The following TTC33 variants were observed in gnomAD, a reference collection of about 807,000 sequenced individuals.
The protein encoded by TTC33 is tetratricopeptide repeat domain 33.
Under a neutral mutation model 29.4 loss-of-function variants are expected in TTC33, and 24 were observed. The ratio of observed to expected loss-of-function variants is 0.82; its 90% CI spans 0.59 to 1.15. TTC33 has a LOEUF of 1.15. TTC33 is among the 50% of genes most tolerant of loss of function. TTC33 has a pLI of 0.00. For synonymous variants in TTC33, 107 were observed against 100.3 expected (o/e 1.07, Z -0.40); for missense variants, 286 against 310.4 (o/e 0.92, Z 0.59).
Position 40,714,111 on chromosome 5 carries a change from G to A in TTC33, c.*2034C>T, listed in dbSNP as rs528584236. Among the ~76,000 whole-genome samples, 10 of 152,178 alleles carry A rather than the reference G, an allele frequency of 6.6e-5. No individual in the cohort carries two copies. Among genetic ancestry groups the A allele is most frequent in the Non-Finnish European group, 1.0e-4 (7 of 68,008 alleles). On this transcript the variant is annotated 3_prime_UTR_variant, in exon 5 of 5. Transcript: ENST00000337702. Reference sequence around the variant, plus strand: ...TAGGTTCTTATAACAGGGCCTAGTGGCCACATGCATTCCATCCTGAGTCTT... The same window carrying A: ...TAGGTTCTTATAACAGGGCCTAGTGACCACATGCATTCCATCCTGAGTCTT...
At chr5:40,745,786 G>A (rs1196125830) in intron 2 of TTC33, among the ~76,000 whole-genome samples, 1 of 151,182 alleles carries the variant, frequency 6.6e-6, no homozygotes, top group Non-Finnish European at 1.5e-5. Context: ...CCAGGGTGGA[G>A]GGCAGTGGCA....
rs1249112154 is a variant in TTC33, at chr5:40,726,143, T to TTA, written c.435+2200_435+2201dup. Among the ~76,000 whole-genome samples the TTA allele has an allele frequency of 2.8e-3, 218 of 78,854 alleles. 1 individual carries two copies. The highest frequency in any genetic ancestry group is 6.0e-3 in the Middle Eastern group (1 of 166). The allele number at this position is 78,854 out of a possible 152,430, so 51.7% of individuals were successfully genotyped here. A position where few individuals can be genotyped will look rare whatever the true frequency, so the allele number is the denominator to read the frequency against. ...TAAAATCTCATTCTCATAAAGTCTTTTATATATATATATATATACACACAC... is the reference window on the plus strand; with the variant it reads ...TAAAATCTCATTCTCATAAAGTCTTTTATATATATATATATATATACACACAC... On this transcript the variant is annotated intron_variant, in intron 4 of 4. Transcript: ENST00000337702.
chr5:40,717,229 C>CAG (rs1554026224), intron 4 of TTC33, among the ~76,000 whole-genome samples: 1 of 108,902 alleles, frequency 9.2e-6, no homozygotes, highest in African/African-American at 3.5e-5. Context: ...AACTCCATCT[C>CAG]AAAAAAAAAA....
chr5:40,742,783 G>T (rs185077509), intron 2 of TTC33, among the ~76,000 whole-genome samples: 1 of 152,062 alleles, frequency 6.6e-6, no homozygotes, highest in Admixed American at 6.5e-5. Flanking sequence ...ATTCCCAAAG[G>T]TCCTTTGTGG....
rs192982768 is a variant in TTC33, at chr5:40,729,919, G to A, written c.303+343C>T. ...TCACCATGTTGGTCAGGGTGGTCTCGAACTTCTGACCTCAAGTGATCCACC... is the reference window on the plus strand; with the variant it reads ...TCACCATGTTGGTCAGGGTGGTCTCAAACTTCTGACCTCAAGTGATCCACC... On this transcript the variant is annotated intron_variant, in intron 3 of 4. Coordinates refer to ENST00000337702, the MANE Select transcript of TTC33 (RefSeq NM_012382.3). 4.6e-5 allele frequency among the ~76,000 whole-genome samples: 7 copies of A among 152,170 alleles called. No homozygotes were observed. The East Asian group carries it at 1.2e-3, about 25-fold the overall frequency.
chr5:40,738,722 CT>C (rs1450602137), intron 2 of TTC33, among the ~76,000 whole-genome samples: 2 of 152,044 alleles, frequency 1.3e-5, no homozygotes, highest in African/African-American at 4.8e-5. Flanking sequence ...TACTGTCAAT[CT>C]TTTCAATGTT....
chr5:40,754,981 T>C (rs776241853), intron 1 of TTC33, among the ~76,000 whole-genome samples: 1 of 152,134 alleles, frequency 6.6e-6, no homozygotes. Flanking sequence ...AGACTTAACA[T>C]TTTTTTACCA....
intron 3 of TTC33, among the ~76,000 whole-genome samples, chr5:40,728,886 T>G (rs1742357867): frequency 6.6e-6 from 1 of 152,190 alleles, no homozygotes; most frequent in African/African-American, 2.4e-5. Flanking sequence ...ATGAACATCT[T>G]TATGTTATAA....
At chr5:40,717,330 A>G (rs756743543) in intron 4 of TTC33, among the ~76,000 whole-genome samples, 2 of 152,196 alleles carry the variant, frequency 1.3e-5, no homozygotes, top group Non-Finnish European at 2.9e-5. Flanking sequence ...ATTTTAGAGA[A>G]GCACAGAAAG....
intron 1 of TTC33, among the ~76,000 whole-genome samples, chr5:40,753,117 C>A (rs559552436): frequency 6.6e-6 from 1 of 152,184 alleles, no homozygotes; most frequent in Admixed American, 6.5e-5. Flanking sequence ...GTAATCCCAG[C>A]ACTTTGGGAG....
intron 3 of TTC33, among the ~76,000 whole-genome samples, 174 bp downstream of exon 3, chr5:40,730,088 T>C (rs571247104): frequency 6.6e-6 from 1 of 152,290 alleles, no homozygotes; most frequent in East Asian, 1.9e-4. Context: ...GCAAATGAAT[T>C]TCCAGTTTTA....
At chr5:40,733,620 C>T (rs545991350) in intron 2 of TTC33, among the ~76,000 whole-genome samples, 45 of 152,300 alleles carry the variant, frequency 3.0e-4, no homozygotes, top group African/African-American at 9.6e-4. Context: ...GTGGTCATCA[C>T]TGTGACTTGG....
intron 4 of TTC33, among the ~76,000 whole-genome samples, chr5:40,720,449 G>T (rs1208129548): frequency 6.6e-6 from 1 of 152,148 alleles, no homozygotes; most frequent in Non-Finnish European, 1.5e-5. Flanking sequence ...GATTACTAAT[G>T]CTTTCATATT....
chr5:40,724,519 G>C (rs928671921), intron 4 of TTC33, among the ~76,000 whole-genome samples: 1 of 151,994 alleles, frequency 6.6e-6, no homozygotes, highest in East Asian at 1.9e-4. Flanking sequence ...TATAGTCCCA[G>C]CTACTTGGGA....
intron 4 of TTC33, among the ~76,000 whole-genome samples, chr5:40,717,662 C>A (rs937922098): frequency 6.6e-6 from 1 of 152,232 alleles, no homozygotes; most frequent in African/African-American, 2.4e-5. Context: ...GGGGGTAAAA[C>A]TGCCCTCCAA....
chr5:40,751,849 C>T (rs1221857564), intron 1 of TTC33, among the ~76,000 whole-genome samples: 10 of 151,564 alleles, frequency 6.6e-5, no homozygotes, highest in African/African-American at 1.9e-4. Flanking sequence ...CCCAGCTGCT[C>T]GGGAGGCTGA....
rs7719853 is a variant in TTC33, at chr5:40,743,972, T to A, written c.221+2826A>T. ...CAAGAGTTATTGTGTTTGTCTACAATGCTGATATCTCTTCTCTGTCACAGG... is the reference window on the plus strand; with the variant it reads ...CAAGAGTTATTGTGTTTGTCTACAAAGCTGATATCTCTTCTCTGTCACAGG... On this transcript the variant is annotated intron_variant, in intron 2 of 4. Transcript: ENST00000337702. Among the ~76,000 whole-genome samples the A allele has an allele frequency of 9.5e-3, 1,444 of 152,358 alleles. 25 individuals are homozygous for A. The highest frequency in any genetic ancestry group is 0.033 in the African/African-American group (1,356 of 41,584).
intron 2 of TTC33, among the ~76,000 whole-genome samples, chr5:40,746,001 TGC>T (rs528372094): frequency 5.8e-4 from 89 of 152,270 alleles, no homozygotes; most frequent in African/African-American, 2.1e-3. Context: ...TTCTATTAAT[TGC>T]ATAGTTTTAC....
At chr5:40,728,253 T>C (rs1390113324) in intron 4 of TTC33, 92 bp downstream of exon 4, 3 of 998,082 alleles carry the variant, frequency 3.0e-6, no homozygotes, top group Non-Finnish European at 2.7e-6. Flanking sequence ...CACTGCACTG[T>C]ACCCTGGGTG....
Sources: gnomAD v4.1 joint callset for allele counts (sites outside exome capture counted in the v4.1 genomes callset) on GRCh38, gnomAD v4.1.1 for gene constraint, MANE v1.5 for transcripts, NCBI Gene and HGNC (gene_info 2026-07-23, HGNC 2026-07-21) for gene names.